Variants in ZNF502 observed in about 807,000 individuals in gnomAD.
The protein encoded by ZNF502 is zinc finger protein 502.
ZNF502 carries 29 observed loss-of-function variants against 43.6 expected under a neutral mutation model. The ratio of observed to expected loss-of-function variants is 0.67; its 90% CI spans 0.50 to 0.91. The LOEUF (loss-of-function observed/expected upper bound fraction) is 0.91, where lower values mean the gene tolerates loss of function less well. Among genes scored for constraint, ZNF502 ranks in the 40% least tolerant of loss-of-function variants. The pLI, the probability that ZNF502 is intolerant of heterozygous loss-of-function variation, is 0.00. For missense variants in ZNF502, 591 were observed against 647.2 expected (o/e 0.91, Z 0.94); for synonymous variants, 171 against 207.4 (o/e 0.82, Z 1.51).
At chr3:44,715,983 CT>C (rs1170588405) in intron 1 of ZNF502, among the ~76,000 whole-genome samples, 1 of 152,076 alleles carries the variant, frequency 6.6e-6, no homozygotes, top group Non-Finnish European at 1.5e-5. Flanking sequence ...TTTTAATGAT[CT>C]TAATGCCTAA....
chr3:44,722,044 C>A lies in ZNF502; in HGVS notation c.1227C>A (p.Cys409Ter), dbSNP rs1266028327. ...ATACAGGGGAGAGACCCTACAAATG[C>A]AGTGAATGTGGTAAAGCCTTCATTC... ...RIHTGERPYK[C>*]SECGKAFIQS... The change falls in exon 3 of 3, where the codon TGC becomes TGA. Residue 409 changes from cysteine to a stop codon, truncating the protein, a stop_gained. Coordinates refer to ENST00000436624, the MANE Select transcript of ZNF502 (RefSeq NM_001134442.3). LOFTEE classifies it high-confidence loss of function. 1 of 1,614,162 alleles carries A rather than the reference C, an allele frequency of 6.2e-7. No individual in the cohort carries two copies. The highest frequency in any genetic ancestry group is 1.3e-5 in the African/African-American group (1 of 75,036).
Position 44,721,141 on chromosome 3 carries a change from G to T in ZNF502, c.324G>T (p.Leu108Phe). The change falls in exon 3 of 3, where the codon TTG (leucine) becomes TTT (phenylalanine). Residue 108 changes from leucine to phenylalanine, a missense_variant. Coordinates refer to ENST00000436624, the MANE Select transcript of ZNF502 (RefSeq NM_001134442.3). ...ISQGYNFEKS[L>F]LLTSSLVTRL... Reference sequence around the variant, plus strand: ...AAGGATATAATTTTGAGAAAAGCTTGCTTTTGACCTCAAGCCTTGTTACAC... The same window carrying T: ...AAGGATATAATTTTGAGAAAAGCTTTCTTTTGACCTCAAGCCTTGTTACAC... 1 of 1,614,134 alleles carries T rather than the reference G, an allele frequency of 6.2e-7. No individual in the cohort carries two copies. The highest frequency in any genetic ancestry group is 8.5e-7 in the Non-Finnish European group (1 of 1,180,030).
chr3:44,721,693 G>T lies in ZNF502; in HGVS notation c.876G>T (p.Glu292Asp). The change falls in exon 3 of 3, where the codon GAG becomes GAT. Residue 292 changes from glutamate to aspartate, a missense_variant. By Grantham distance (45) the Glu-to-Asp change is conservative. Transcript: ENST00000436624. ...ATCATCAGAGAATTCACACTGGTGA[G>T]AAGCCTTACATATGCAGTGAATGTG... is the stretch of plus-strand genomic sequence containing the variant. ...LIHHQRIHTG[E>D]KPYICSECGS... 6.2e-7 allele frequency: 1 copy of T among 1,613,950 alleles called. No homozygotes were observed. Among genetic ancestry groups the T allele is most frequent in the Non-Finnish European group, 8.5e-7 (1 of 1,179,862 alleles).
intron 2 of ZNF502, 112 bp from the exon 3 acceptor site, chr3:44,720,761 G>A (rs1282844079): frequency 5.8e-6 from 7 of 1,212,096 alleles, no homozygotes; most frequent in Non-Finnish European, 8.1e-6. Flanking sequence ...TGCTGTTACT[G>A]GCCCTTCATC....
chr3:44,721,716 G>A lies in ZNF502; in HGVS notation c.899G>A (p.Cys300Tyr). The A allele has an allele frequency of 1.2e-6, 2 of 1,613,096 alleles. No individual in the cohort carries two copies. Among genetic ancestry groups the A allele is most frequent in the South Asian group, 1.1e-5 (1 of 91,046 alleles). Residue 300 changes from cysteine to tyrosine, a missense_variant, in exon 3 of 3, where the codon TGT becomes TAT. Cys to Tyr is a radical substitution (Grantham distance 194). Transcript: ENST00000436624. ...TGEKPYICSECGSSFRKHSNL... is the reference protein window; with the variant it reads ...TGEKPYICSEYGSSFRKHSNL... ...GAGAAGCCTTACATATGCAGTGAAT[G>A]TGGCTCTTCTTTTCGAAAACACTCA...
chr3:44,713,111 T>C lies in ZNF502; in HGVS notation c.-60+371T>C, dbSNP rs561997459. Among the ~76,000 whole-genome samples the C allele has an allele frequency of 2.0e-5, 3 of 152,372 alleles. No homozygotes were observed. The South Asian group carries it at 6.2e-4, about 32-fold the overall frequency. On this transcript the variant is annotated intron_variant, in intron 1 of 2. Transcript: ENST00000436624. ...TTCTTCCCCCGGCTGATCCTGTAGC[T>C]CCGAAACTTGTTTAGAGCCTGTTTT...
chr3:44,713,629 G>A (rs897388175), intron 1 of ZNF502, among the ~76,000 whole-genome samples: 1 of 151,490 alleles, frequency 6.6e-6, no homozygotes, highest in Non-Finnish European at 1.5e-5. Flanking sequence ...TGCCCAGGCT[G>A]GAGTGCAACG....
chr3:44,715,452 A>C (rs191633989), intron 1 of ZNF502, among the ~76,000 whole-genome samples: 2 of 152,256 alleles, frequency 1.3e-5, no homozygotes, highest in Admixed American at 1.3e-4. Context: ...TTTTTCTTTG[A>C]TTACAGAAGT....
chr3:44,723,722 T>C lies in ZNF502; in HGVS notation c.*1270T>C, dbSNP rs1322249495. On this transcript the variant is annotated 3_prime_UTR_variant, in exon 3 of 3. Transcript: ENST00000436624. ...CTTAACTGCTACCCAGAAATTGAGC[T>C]TCAGAAGATTGAGGATAGCCTTTGA... The C allele has an allele frequency of 6.6e-6, 1 of 152,214 alleles. No homozygotes were observed. Among genetic ancestry groups the C allele is most frequent in the Non-Finnish European group, 1.5e-5 (1 of 68,028 alleles). The allele number at this position is 152,214 out of a possible 1,614,324, so 9.4% of individuals were successfully genotyped here. A position where few individuals can be genotyped will look rare whatever the true frequency, so the allele number is the denominator to read the frequency against.
chr3:44,715,591 T>C (rs1209085330), intron 1 of ZNF502, among the ~76,000 whole-genome samples: 1 of 152,204 alleles, frequency 6.6e-6, no homozygotes, highest in Non-Finnish European at 1.5e-5. Flanking sequence ...TAGATTTGTT[T>C]TTTTTTTAAA....
Position 44,721,189 on chromosome 3 carries a change from G to C in ZNF502, c.372G>C (p.Glu124Asp). The change falls in exon 3 of 3, where the codon GAG becomes GAC. Residue 124 changes from glutamate (E) to aspartate (D), a missense_variant. Coordinates refer to ENST00000436624, the MANE Select transcript of ZNF502 (RefSeq NM_001134442.3). The part of the protein sequence containing the change: ...LVTRLRVSTE[E>D]SLHQWETSNI... ...CACGTCTCAGGGTTTCTACAGAAGA[G>C]AGTCTGCATCAGTGGGAAACAAGTA... 1 of 1,614,162 alleles carries C rather than the reference G, an allele frequency of 6.2e-7. No homozygotes were observed. The highest frequency in any genetic ancestry group is 8.5e-7 in the Non-Finnish European group (1 of 1,180,028).
intron 1 of ZNF502, among the ~76,000 whole-genome samples, chr3:44,717,771 G>A (rs932941278): frequency 2.0e-5 from 3 of 151,996 alleles, no homozygotes; most frequent in East Asian, 3.9e-4. Flanking sequence ...TGATCCTCCC[G>A]CCTTAGTAGC....
chr3:44,717,891 T>C (rs1166868824), intron 1 of ZNF502, among the ~76,000 whole-genome samples: 2 of 152,150 alleles, frequency 1.3e-5, no homozygotes, highest in African/African-American at 4.8e-5. Flanking sequence ...CCTAAAGTGA[T>C]CTTCCCACCT....
rs1165186254 is a variant in ZNF502, at chr3:44,721,434, C to T, written c.617C>T (p.Thr206Ile). 4 of 1,614,182 alleles carry T rather than the reference C, an allele frequency of 2.5e-6. No homozygotes were observed. In the South Asian group the frequency reaches 4.4e-5, roughly 18 times the overall value. Residue 206 changes from threonine (T) to isoleucine (I), a missense_variant, in exon 3 of 3, where the codon ACT (threonine) becomes ATT (isoleucine). By Grantham distance (89) the Thr-to-Ile change is moderately conservative. Coordinates refer to ENST00000436624, the MANE Select transcript of ZNF502 (RefSeq NM_001134442.3). The stretch of plus-strand genomic sequence containing the variant: ...CTTGTTCAACATCAAAGAATTCACA[C>T]TGGAGTGAAACCATATGGATGTGAG... ...SFLVQHQRIH[T>I]GVKPYGCEQC...
At chr3:44,712,832 C>G (rs1206922677) in intron 1 of ZNF502, 92 bp downstream of exon 1, 1 of 152,350 alleles carries the variant, frequency 6.6e-6, no homozygotes, top group East Asian at 1.9e-4. Context: ...GGGAAGTCAG[C>G]CCCGGCCTCG....
rs746645703 is a variant in ZNF502, at chr3:44,721,854, G to C, written c.1037G>C (p.Ser346Thr). Residue 346 changes from serine (S) to threonine (T), a missense_variant, in exon 3 of 3, where the codon AGT becomes ACT. Physicochemically the swap from Ser to Thr is moderately conservative, Grantham distance 58 (BLOSUM62 1). Transcript: ENST00000436624. Reference sequence around the variant, plus strand: ...CTCTCTCAGCATCAGAGAATTCATAGTGGAGAGAAACCCTATAAATGTAAA... The same window carrying C: ...CTCTCTCAGCATCAGAGAATTCATACTGGAGAGAAACCCTATAAATGTAAA... Reference protein sequence around the residue: ...ANLSQHQRIHSGEKPYKCKEC... With the variant: ...ANLSQHQRIHTGEKPYKCKEC... 6.2e-7 allele frequency: 1 copy of C among 1,613,994 alleles called. No individual in the cohort carries two copies. Among genetic ancestry groups the C allele is most frequent in the African/African-American group, 1.3e-5 (1 of 74,940 alleles).
In ZNF502 at chr3:44,712,715, T is replaced by C. The variant is rs1282464685; in HGVS notation, c.-85T>C. 1 of 152,246 alleles carries C rather than the reference T, an allele frequency of 6.6e-6. No individual in the cohort carries two copies. The highest frequency in any genetic ancestry group is 1.5e-5 in the Non-Finnish European group (1 of 68,086). The allele number at this position is 152,246 out of a possible 1,614,324, so 9.4% of individuals were successfully genotyped here. A position where few individuals can be genotyped will look rare whatever the true frequency, so the allele number is the denominator to read the frequency against. ...CCACCTCTGGGAGCGCCTGCGCCGC[T>C]CCGCGGAGAGTCCGTGGATCTCACA... is the stretch of plus-strand genomic sequence containing the variant. On this transcript the variant is annotated 5_prime_UTR_variant, in exon 1 of 3. Coordinates refer to ENST00000436624, the MANE Select transcript of ZNF502 (RefSeq NM_001134442.3).
chr3:44,714,102 C>T (rs1019796421), intron 1 of ZNF502, among the ~76,000 whole-genome samples: 1 of 152,148 alleles, frequency 6.6e-6, no homozygotes. Context: ...TCTTGAAAAA[C>T]TTCATCTAGC....
chr3:44,714,163 G>A (rs750576657), intron 1 of ZNF502, among the ~76,000 whole-genome samples: 1 of 152,152 alleles, frequency 6.6e-6, no homozygotes, highest in Non-Finnish European at 1.5e-5. Context: ...GTGGCATCTG[G>A]GGAAAAGCTT....
Sources: allele counts gnomAD v4.1 joint callset (sites outside exome capture counted in the v4.1 genomes callset), GRCh38; gene constraint gnomAD v4.1.1; transcripts MANE v1.5; gene names NCBI Gene and HGNC (gene_info 2026-07-23, HGNC 2026-07-21).